UGGT2: variants seen among roughly 807,000 people sequenced by gnomAD.
UGGT2 encodes the protein UDP-glucose glycoprotein glucosyltransferase 2.
UGGT2 carries 180 observed loss-of-function variants against 192.1 expected under a neutral mutation model. The ratio of observed to expected loss-of-function variants is 0.94; its 90% CI spans 0.83 to 1.06. The LOEUF is 1.06. Among genes scored for constraint, UGGT2 ranks in the 50% least tolerant of loss-of-function variants. The probability of loss-of-function intolerance (pLI) is 0.00; values close to 1 mark genes in which losing one functional copy is unlikely to be tolerated. For synonymous variants in UGGT2, 580 were observed against 591.0 expected, an observed-to-expected ratio of 0.98 and a Z score of 0.27; for missense variants, 1,849 against 1,795.7, an observed-to-expected ratio of 1.03 and a Z score of -0.54.
intron 6 of UGGT2, 67 bp downstream of exon 6, chr13:95,999,143 TA>T: frequency 7.5e-7 from 1 of 1,334,850 alleles, no homozygotes; most frequent in Non-Finnish European, 1.1e-6. Flanking sequence ...ATTAAATTTT[TA>T]AAAAACTAAA....
intron 27 of UGGT2, among the ~76,000 whole-genome samples, chr13:95,884,029 G>T (rs1483297879): frequency 8.0e-6 from 1 of 124,812 alleles, no homozygotes. Context: ...CCCTAATTTA[G>T]TTAGGACTAC....
intron 6 of UGGT2, among the ~76,000 whole-genome samples, chr13:95,997,704 T>A (rs753179954): frequency 3.3e-5 from 5 of 152,056 alleles, no homozygotes; most frequent in South Asian, 2.1e-4. Context: ...AAGACAGCGG[T>A]AGGCAAAAGG....
chr13:95,903,195 T>G, intron 20 of UGGT2, 135 bp from the exon 21 acceptor site: 2 of 740,898 alleles, frequency 2.7e-6, no homozygotes, highest in Non-Finnish European at 4.1e-6. Flanking sequence ...CCATGTTTAC[T>G]GTACTAAATG....
At position 95,892,039 on chromosome 13, in the gene UGGT2, G is replaced by T. The variant is rs533092505; in HGVS notation, c.2856-1075C>A. 2.0e-5 allele frequency among the ~76,000 whole-genome samples: 3 copies of T among 152,222 alleles called. No homozygotes were observed. The South Asian group carries it at 6.2e-4, about 32-fold the overall frequency. ...ACAAATCAGACGTTCTGCTATTAAAGTGACTCTTGACAATTGTTGCTTCCT... is the reference window on the plus strand; with the variant it reads ...ACAAATCAGACGTTCTGCTATTAAATTGACTCTTGACAATTGTTGCTTCCT... On this transcript the variant is annotated intron_variant, in intron 24 of 38. Coordinates refer to ENST00000376747, the MANE Select transcript of UGGT2 (RefSeq NM_020121.4).
Position 95,890,982 on chromosome 13 carries a change from A to G in UGGT2, c.2856-18T>C, listed in dbSNP as rs751086625. The G allele has an allele frequency of 6.5e-6, 10 of 1,532,152 alleles. No homozygotes were observed. The African/African-American group carries it at 1.2e-4, about 19-fold the overall frequency. The allele number at this position is 1,532,152 out of a possible 1,614,324, so 94.9% of individuals were successfully genotyped here. ...TTATAACACTAAGAAAATAGAAAAT[A>G]AGATGAAAGATGACGTGTTAAGTTT... On this transcript the variant is annotated intron_variant, in intron 24 of 38. Transcript: ENST00000376747.
intron 5 of UGGT2, among the ~76,000 whole-genome samples, chr13:96,001,861 C>G (rs1318824360): frequency 6.6e-6 from 1 of 152,132 alleles, no homozygotes; most frequent in African/African-American, 2.4e-5. Flanking sequence ...GGATAAAAAC[C>G]TTTATGATGA....
rs189009329 is a variant in UGGT2 at position 95,948,017 on chromosome 13, T to C, written c.1520A>G (p.Tyr507Cys). ...LDFIKLADVF[Y>C]SHEVPLRIGF... ...TTACCTAAGAGGAACTTCGTGAGAA[T>C]AGAAAACATCAGCAAGTTTTATAAA... Residue 507 changes from tyrosine (Y) to cysteine (C), a missense_variant, in exon 14 of 39, where the codon TAT (tyrosine) becomes TGT (cysteine). Tyr to Cys is a radical substitution (Grantham distance 194, BLOSUM62 -2). Coordinates refer to ENST00000376747, the MANE Select transcript of UGGT2 (RefSeq NM_020121.4). 19 of 1,613,058 alleles carry C rather than the reference T, an allele frequency of 1.2e-5. No individual in the cohort carries two copies. In the South Asian group the frequency reaches 1.4e-4, roughly 12 times the overall value.
At chr13:95,853,726 G>T in intron 35 of UGGT2, 69 bp from the exon 36 acceptor site, 2 of 1,047,084 alleles carry the variant, frequency 1.9e-6, no homozygotes, top group South Asian at 1.6e-5. Flanking sequence ...TTCCTCCAGT[G>T]AGTGTCTACA....
intron 10 of UGGT2, among the ~76,000 whole-genome samples, chr13:95,982,663 T>C (rs184940181): frequency 2.6e-5 from 4 of 152,248 alleles, no homozygotes; most frequent in Non-Finnish European, 5.9e-5. Context: ...GAGAGAGCTG[T>C]TCTCCTTTCT....
intron 37 of UGGT2, 55 bp from the exon 38 acceptor site, chr13:95,833,108 G>C: frequency 1.3e-6 from 2 of 1,584,854 alleles, no homozygotes; most frequent in African/African-American, 1.4e-5. Context: ...GAAACATAAG[G>C]ACAATGCTGT....
intron 38 of UGGT2, among the ~76,000 whole-genome samples, chr13:95,817,105 A>G (rs1884981319): frequency 1.3e-5 from 2 of 152,116 alleles, no homozygotes; most frequent in Non-Finnish European, 2.9e-5. Context: ...TCCAGCCTGG[A>G]TAGCAAAGCA....
At chr13:95,881,968 GC>G (rs2047508317) in intron 27 of UGGT2, among the ~76,000 whole-genome samples, 1 of 151,440 alleles carries the variant, frequency 6.6e-6, no homozygotes, top group African/African-American at 2.4e-5. Context: ...GAGTGCCATG[GC>G]ACAGTCTTGG....
At chr13:96,033,454 G>C (rs1275311721) in intron 1 of UGGT2, among the ~76,000 whole-genome samples, 2 of 152,084 alleles carry the variant, frequency 1.3e-5, no homozygotes, top group Non-Finnish European at 2.9e-5. Flanking sequence ...GTGCTTTTGG[G>C]GGCTGAAGGC....
chr13:96,022,330 A>G (rs1055786629), intron 4 of UGGT2, among the ~76,000 whole-genome samples: 6 of 152,028 alleles, frequency 3.9e-5, no homozygotes, highest in African/African-American at 1.4e-4. Flanking sequence ...CAGGTTCGGG[A>G]AAAACTGTTA....
At position 95,801,792 on chromosome 13, in the gene UGGT2, A is replaced by G. The variant is rs1884069283; in HGVS notation, c.4549T>C (p.Ter1517GlnextTer5). Residue 1517 changes from the stop codon to glutamine (Q), a stop_lost, in exon 39 of 39, where the codon TAG (stop) becomes CAG (glutamine). Coordinates refer to ENST00000376747, the MANE Select transcript of UGGT2 (RefSeq NM_020121.4). ...QDTILTHDEL[*>Q] ...CTTCCTTCTCATATACACCAGTGCT[A>G]GAGTTCATCATGTGTCAAAACTATA... The G allele has an allele frequency of 1.2e-6, 2 of 1,613,718 alleles. No individual in the cohort carries two copies. Among genetic ancestry groups the G allele is most frequent in the Non-Finnish European group, 1.7e-6 (2 of 1,179,862 alleles).
chr13:95,890,569 CAG>C (rs2047771734), intron 25 of UGGT2, among the ~76,000 whole-genome samples: 1 of 152,148 alleles, frequency 6.6e-6, no homozygotes, highest in Non-Finnish European at 1.5e-5. Flanking sequence ...GCCCTATCTC[CAG>C]AGAGAGTCAC....
At chr13:95,807,715 C>CTTTTTTTTTTTTTTTTTTTTTTT (rs200081851) in intron 38 of UGGT2, among the ~76,000 whole-genome samples, 1 of 48,040 alleles carries the variant, frequency 2.1e-5, no homozygotes, top group Non-Finnish European at 4.2e-5. Flanking sequence ...TCAGCCCTCA[C>CTTTTTTTTTTTTTTTTTTTTTTT]CTTTTTTTTT....
At chr13:95,980,552 A>G (rs1012510385) in intron 10 of UGGT2, among the ~76,000 whole-genome samples, 3 of 152,194 alleles carry the variant, frequency 2.0e-5, no homozygotes, top group Admixed American at 6.5e-5. Flanking sequence ...TCACCACTAA[A>G]TAACTTATTG....
intron 20 of UGGT2, among the ~76,000 whole-genome samples, chr13:95,909,858 A>G (rs2048429426): frequency 6.6e-6 from 1 of 151,146 alleles, no homozygotes; most frequent in Non-Finnish European, 1.5e-5. Flanking sequence ...CGAGTTATCG[A>G]CAAAGGGAAG....
Sources: gnomAD v4.1 joint callset for allele counts (sites outside exome capture counted in the v4.1 genomes callset) on GRCh38, gnomAD v4.1.1 for gene constraint, MANE v1.5 for transcripts, NCBI Gene and HGNC (gene_info 2026-07-23, HGNC 2026-07-21) for gene names.